PSMG2: variants seen among roughly 807,000 people sequenced by gnomAD.
The protein encoded by PSMG2 is proteasome assembly chaperone 2.
A neutral mutation model predicts 31.5 loss-of-function variants in PSMG2; 21 were observed. That is an observed-to-expected ratio of 0.67 (90% confidence interval 0.47 to 0.96). The LOEUF (loss-of-function observed/expected upper bound fraction) is 0.96. Ranked by LOEUF, PSMG2 falls within the 40% of genes least tolerant of loss-of-function variation. PSMG2 has a pLI of 0.00. For synonymous variants in PSMG2, 120 were observed against 110.4 expected (o/e 1.09, Z -0.54); for missense variants, 318 against 321.2 (o/e 0.99, Z 0.08).
At position 12,718,502 on chromosome 18, in the gene PSMG2, C is replaced by G. The variant is rs1382806260; in HGVS notation, c.289-15C>G. ...CTTTTAGATTTTCTTTTTATTCTCT[C>G]AATGGTGTGCAAAGTATAAATCAAA... On this transcript the variant is annotated splice_polypyrimidine_tract_variant and intron_variant, in intron 3 of 6. Transcript: ENST00000317615. 6.5e-7 allele frequency: 1 copy of G among 1,530,008 alleles called. No homozygotes were observed. The highest frequency in any genetic ancestry group is 9.0e-7 in the Non-Finnish European group (1 of 1,116,246). The allele number at this position is 1,530,008 out of a possible 1,614,324, so 94.8% of individuals were successfully genotyped here.
Position 12,713,184 on chromosome 18 carries a change from G to A in PSMG2, c.288+424G>A, listed in dbSNP as rs9947285. On this transcript the variant is annotated intron_variant, in intron 3 of 6. Coordinates refer to ENST00000317615, the MANE Select transcript of PSMG2 (RefSeq NM_020232.5). ...AAACCAGTGTCATCTTCATGCCCCT[G>A]ACTAACTTGCTGATCTGCCTCCCAC... 2.5e-3 allele frequency among the ~76,000 whole-genome samples: 377 copies of A among 152,230 alleles called. 3 individuals carry two copies. Among genetic ancestry groups the A allele is most frequent in the African/African-American group, 8.8e-3 (365 of 41,528 alleles).
chr18:12,661,888 T>C (rs1328816893), intron 1 of PSMG2: 1 of 172,220 alleles, frequency 5.8e-6, no homozygotes, highest in Non-Finnish European at 1.3e-5. Flanking sequence ...TTAAAATGTC[T>C]GAACAACTCA....
In PSMG2 at chr18:12,672,760, A is replaced by G. The variant is rs375931107; in HGVS notation, c.-37+13987A>G. 5 of 976,108 alleles carry G rather than the reference A, an allele frequency of 5.1e-6. No homozygotes were observed. The African/African-American group carries it at 8.7e-5, about 17-fold the overall frequency. 60.5% of individuals were successfully genotyped at this position (976,108 alleles called of 1,614,324 possible). ...TTCTAAATGATTCATGTACTTTCAT[A>G]TGAGGTTATTAATATTTATGCTTTT... is the stretch of plus-strand genomic sequence containing the variant. On this transcript the variant is annotated intron_variant, in intron 1 of 6. Coordinates refer to the PSMG2 transcript ENST00000585331.
intron 1 of PSMG2, among the ~76,000 whole-genome samples, chr18:12,666,442 T>G (rs2038804879): frequency 6.7e-6 from 1 of 149,026 alleles, no homozygotes; most frequent in Non-Finnish European, 1.5e-5. Context: ...TATGGTTTTT[T>G]TTTTTTTTTT....
At chr18:12,691,997 C>T (rs190810739) in intron 1 of PSMG2, among the ~76,000 whole-genome samples, 3 of 152,022 alleles carry the variant, frequency 2.0e-5, no homozygotes, top group East Asian at 1.9e-4. Context: ...GGGATTACCG[C>T]GCCTGGCCCA....
chr18:12,661,335 C>T (rs1340353272), intron 1 of PSMG2: 1 of 982,678 alleles, frequency 1.0e-6, no homozygotes, highest in Middle Eastern at 5.2e-4. Context: ...AATTGATAAG[C>T]CTTACCGTCA....
At chr18:12,723,003 G>GA in intron 5 of PSMG2, among the ~76,000 whole-genome samples, 1 of 152,232 alleles carries the variant, frequency 6.6e-6, no homozygotes. Flanking sequence ...CAAAGATTGA[G>GA]AGCCCCTAAG....
At chr18:12,699,332 A>G, upstream of PSMG2, 1 of 638,764 alleles carries the variant, frequency 1.6e-6, no homozygotes, top group East Asian at 2.7e-5. Flanking sequence ...GCAAAAGAGT[A>G]ACAAATTTAT....
At chr18:12,691,377 C>G (rs766827775) in intron 1 of PSMG2, 1 of 1,577,044 alleles carries the variant, frequency 6.3e-7, no homozygotes, top group Admixed American at 1.8e-5. Context: ...AAATCTTAAC[C>G]AGTCGTGAGT....
chr18:12,675,549 G>A (rs1016462808), intron 1 of PSMG2, among the ~76,000 whole-genome samples: 2 of 152,134 alleles, frequency 1.3e-5, no homozygotes, highest in African/African-American at 4.8e-5. Context: ...TACTGAACAT[G>A]TACTCTATAA....
intron 2 of PSMG2, among the ~76,000 whole-genome samples, chr18:12,710,386 T>C (rs888960809): frequency 2.0e-5 from 3 of 152,194 alleles, no homozygotes; most frequent in African/African-American, 7.2e-5. Context: ...AACCAGATCC[T>C]TTTCAGGCGT....
rs371016537 is a variant in PSMG2, at chr18:12,710,087, C to T, written c.230-2615C>T. On this transcript the variant is annotated intron_variant, in intron 2 of 6. Transcript: ENST00000317615. ...CCTCCCAAGTAGCTGGGACTACAGA[C>T]ACCCGCCATCACGCCCGGCTACTTT... is the stretch of plus-strand genomic sequence containing the variant. Among the ~76,000 whole-genome samples, 24 of 152,096 alleles carry T rather than the reference C, an allele frequency of 1.6e-4. No homozygotes were observed. The East Asian group carries it at 4.6e-3, about 29-fold the overall frequency.
In PSMG2 at chr18:12,718,620, A is replaced by T; in HGVS notation, c.392A>T (p.Asp131Val). ...AGCAGTCATTCATATCAGCGTAATG[A>T]TCTGCAGCTTCGTAGGTATGTTTCT... ...LSSSHSYQRN[D>V]LQLRSTPFRY... is the part of the protein sequence containing the mutation. Residue 131 changes from aspartate to valine, a missense_variant, in exon 4 of 7, where the codon GAT becomes GTT. Transcript: ENST00000317615. 6.2e-7 allele frequency: 1 copy of T among 1,602,086 alleles called. No homozygotes were observed. Among genetic ancestry groups the T allele is most frequent in the Non-Finnish European group, 8.5e-7 (1 of 1,171,718 alleles).
intron 5 of PSMG2, among the ~76,000 whole-genome samples, chr18:12,722,118 T>A (rs893659103): frequency 6.6e-5 from 10 of 152,178 alleles, no homozygotes; most frequent in African/African-American, 2.2e-4. Flanking sequence ...CTCCACCTCT[T>A]CTATACTTTG....
At chr18:12,692,273 G>A (rs34183067) in intron 1 of PSMG2, 13,521 of 151,328 alleles carry the variant, frequency 0.089, 837 homozygotes, top group Non-Finnish European at 0.13. Flanking sequence ...CCGAGTTCAT[G>A]CCACCGTGCT....
At chr18:12,699,671 T>C (rs1446740391), upstream of PSMG2, among the ~76,000 whole-genome samples, 1 of 152,190 alleles carries the variant, frequency 6.6e-6, no homozygotes, top group Non-Finnish European at 1.5e-5. Flanking sequence ...ACTCTTCTGA[T>C]ATACTTCATG....
At chr18:12,700,731 G>A (rs1172763938), upstream of PSMG2, among the ~76,000 whole-genome samples, 1 of 152,136 alleles carries the variant, frequency 6.6e-6, no homozygotes, top group Non-Finnish European at 1.5e-5. Context: ...TTCTGTCACT[G>A]TAGAGACAGG....
chr18:12,699,764 C>A, upstream of PSMG2: 3 of 894,162 alleles, frequency 3.4e-6, no homozygotes, highest in Non-Finnish European at 3.3e-6. Context: ...CTATCAAATA[C>A]GAAAGACTAC....
At chr18:12,712,170 C>T (rs1438287505) in intron 2 of PSMG2, among the ~76,000 whole-genome samples, 1 of 152,154 alleles carries the variant, frequency 6.6e-6, no homozygotes, top group African/African-American at 2.4e-5. Context: ...AAAATACAAA[C>T]ACATTGACTC....
Sources: gnomAD v4.1 joint callset for allele counts (sites outside exome capture counted in the v4.1 genomes callset) on GRCh38, gnomAD v4.1.1 for gene constraint, MANE v1.5 for transcripts, NCBI Gene and HGNC (gene_info 2026-07-23, HGNC 2026-07-21) for gene names.